CORIN: variants seen among roughly 807,000 people sequenced by gnomAD.
The protein encoded by CORIN is corin, serine peptidase.
In CORIN, 117 loss-of-function variants were observed where a neutral mutation model predicts 125.3. The observed-to-expected ratio is 0.93, with a 90% CI of 0.80 to 1.09. The LOEUF (loss-of-function observed/expected upper bound fraction) is 1.09, where lower values mean the gene tolerates loss of function less well. Ranked by LOEUF, CORIN falls within the 50% of genes least tolerant of loss-of-function variation. The pLI is 0.00. For missense variants in CORIN, 1,253 were observed against 1,306.7 expected, an observed-to-expected ratio of 0.96 and a Z score of 0.63; for synonymous variants, 450 against 466.4, an observed-to-expected ratio of 0.96 and a Z score of 0.45.
chr4:47,605,429 A>G (rs1721611504), intron 19 of CORIN, among the ~76,000 whole-genome samples: 1 of 152,104 alleles, frequency 6.6e-6, no homozygotes, highest in African/African-American at 2.4e-5. Context: ...TCTGTTCTTC[A>G]TCACTCCCTC....
At chr4:47,816,107 C>T (rs1732255954) in intron 1 of CORIN, among the ~76,000 whole-genome samples, 2 of 152,178 alleles carry the variant, frequency 1.3e-5, no homozygotes. Flanking sequence ...GGATTTTATG[C>T]TCTACAACAA....
At chr4:47,833,255 A>C (rs1345274920) in intron 1 of CORIN, among the ~76,000 whole-genome samples, 1 of 152,228 alleles carries the variant, frequency 6.6e-6, no homozygotes, top group Non-Finnish European at 1.5e-5. Context: ...AAATAAACTC[A>C]TACATACATA....
intron 17 of CORIN, 63 bp from the exon 18 acceptor site, chr4:47,624,011 C>T (rs749115382): frequency 1.3e-5 from 18 of 1,394,868 alleles, no homozygotes; most frequent in Non-Finnish European, 1.8e-5. Flanking sequence ...AATTCAAACA[C>T]TTTACCAGTG....
At chr4:47,639,509 A>T (rs776767399) in intron 16 of CORIN, among the ~76,000 whole-genome samples, 7 of 152,354 alleles carry the variant, frequency 4.6e-5, no homozygotes, top group Non-Finnish European at 8.8e-5. Flanking sequence ...GAATGGAATT[A>T]GTTGGGAGTT....
intron 19 of CORIN, among the ~76,000 whole-genome samples, chr4:47,613,383 G>A (rs183040100): frequency 2.0e-5 from 3 of 152,306 alleles, no homozygotes; most frequent in Admixed American, 6.5e-5. Context: ...AACCTAGGAG[G>A]TGGAGGTTTC....
At chr4:47,725,220 C>A (rs887965281) in intron 5 of CORIN, among the ~76,000 whole-genome samples, 3 of 151,950 alleles carry the variant, frequency 2.0e-5, no homozygotes, top group African/African-American at 4.8e-5. Context: ...AGCTTTAATA[C>A]AAATCCAATC....
intron 3 of CORIN, among the ~76,000 whole-genome samples, chr4:47,764,540 C>T (rs1729618078): frequency 6.6e-6 from 1 of 152,170 alleles, no homozygotes; most frequent in Non-Finnish European, 1.5e-5. Context: ...TATTCACAAT[C>T]GCCTCAGTTT....
chr4:47,827,436 A>T (rs1397841546), intron 1 of CORIN, among the ~76,000 whole-genome samples: 1 of 152,198 alleles, frequency 6.6e-6, no homozygotes, highest in Non-Finnish European at 1.5e-5. Context: ...CTTTTCAGAG[A>T]AGAAAATGGA....
chr4:47,676,147 T>C (rs1253642370), intron 9 of CORIN, among the ~76,000 whole-genome samples: 1 of 152,112 alleles, frequency 6.6e-6, no homozygotes, highest in Non-Finnish European at 1.5e-5. Flanking sequence ...TCCAGAGAAG[T>C]GGCCCCTGCT....
chr4:47,829,640 G>T (rs1231037767), intron 1 of CORIN, among the ~76,000 whole-genome samples: 3 of 152,218 alleles, frequency 2.0e-5, no homozygotes, highest in Non-Finnish European at 4.4e-5. Flanking sequence ...ACTCCAGGTA[G>T]ATAGTGTCAG....
chr4:47,596,585 T>G (rs775397205), intron 21 of CORIN, among the ~76,000 whole-genome samples: 3 of 152,168 alleles, frequency 2.0e-5, no homozygotes, highest in Non-Finnish European at 4.4e-5. Context: ...CCAAATATAG[T>G]TAATGATAAA....
intron 2 of CORIN, among the ~76,000 whole-genome samples, chr4:47,796,000 T>C (rs1731272500): frequency 6.6e-6 from 1 of 152,048 alleles, no homozygotes; most frequent in South Asian, 2.1e-4. Context: ...TTGAAACCCT[T>C]GTACACTGTT....
At chr4:47,622,633 C>T (rs10009857) in intron 19 of CORIN, among the ~76,000 whole-genome samples, 40,896 of 151,954 alleles carry the variant, frequency 0.27, 5,646 homozygotes, top group Admixed American at 0.35. Context: ...TGTTTTTTGT[C>T]TGCATAAATG....
chr4:47,676,976 C>T (rs1725049975), intron 9 of CORIN, among the ~76,000 whole-genome samples: 1 of 152,176 alleles, frequency 6.6e-6, no homozygotes, highest in Admixed American at 6.5e-5. Flanking sequence ...AAAGCTCTCC[C>T]TTTAGGTCTT....
intron 6 of CORIN, among the ~76,000 whole-genome samples, chr4:47,687,437 A>C (rs1725568139): frequency 6.6e-6 from 1 of 152,232 alleles, no homozygotes; most frequent in Non-Finnish European, 1.5e-5. Context: ...GCATGGCCTA[A>C]GGTAGATGTT....
At chr4:47,666,542 G>C (rs561861071) in intron 10 of CORIN, among the ~76,000 whole-genome samples, 79 of 152,316 alleles carry the variant, frequency 5.2e-4, no homozygotes, top group Admixed American at 1.1e-3. Context: ...GAACATTTGT[G>C]TATCTCCATT....
chr4:47,625,943 A>G (rs536749881), intron 17 of CORIN, among the ~76,000 whole-genome samples: 1 of 152,158 alleles, frequency 6.6e-6, no homozygotes, highest in Non-Finnish European at 1.5e-5. Flanking sequence ...CCTGTTTAAG[A>G]TGCAATGATT....
chr4:47,738,731 C>T (rs567911862), intron 5 of CORIN, among the ~76,000 whole-genome samples: 1 of 152,220 alleles, frequency 6.6e-6, no homozygotes, highest in South Asian at 2.1e-4. Flanking sequence ...CCTGAGGAAG[C>T]TCAGACATTG....
chr4:47,704,869 G>A (rs1190940317), intron 5 of CORIN, among the ~76,000 whole-genome samples: 1 of 152,034 alleles, frequency 6.6e-6, no homozygotes, highest in Admixed American at 6.5e-5. Flanking sequence ...AAAAGGGTAG[G>A]ACACGTGCAG....
Sources: allele counts gnomAD v4.1 joint callset (sites outside exome capture counted in the v4.1 genomes callset), GRCh38; gene constraint gnomAD v4.1.1; transcripts MANE v1.5; gene names NCBI Gene and HGNC (gene_info 2026-07-23, HGNC 2026-07-21).